SPATA13: variants seen among roughly 807,000 people sequenced by gnomAD.
SPATA13 encodes spermatogenesis associated 13.
A neutral mutation model predicts 104.0 loss-of-function variants in SPATA13; 50 were observed. That is an observed-to-expected ratio of 0.48 (90% CI 0.38 to 0.61). The LOEUF (loss-of-function observed/expected upper bound fraction) is 0.61, where lower values mean the gene tolerates loss of function less well. SPATA13 is among the 20% of genes least tolerant of loss of function. The pLI, the probability that SPATA13 is intolerant of heterozygous loss-of-function variation, is 0.00. For synonymous variants in SPATA13, 606 were observed against 667.5 expected, an observed-to-expected ratio of 0.91 and a Z score of 1.42; for missense variants, 1,524 against 1,690.6, an observed-to-expected ratio of 0.90 and a Z score of 1.73.
At chr13:24,270,714 C>T (rs949172637) in intron 4 of SPATA13, 12 of 1,510,226 alleles carry the variant, frequency 7.9e-6, no homozygotes, top group African/African-American at 6.9e-5. Flanking sequence ...TGGCCGGGAA[C>T]GCATACAACG....
At chr13:24,226,076 T>C (rs568031568) in intron 2 of SPATA13, among the ~76,000 whole-genome samples, 2 of 152,284 alleles carry the variant, frequency 1.3e-5, no homozygotes, top group East Asian at 3.9e-4. Context: ...GGGGTTTTTA[T>C]AGGCTCAGAA....
At chr13:24,044,595 C>A (rs1483372169) in intron 3 of SPATA13, among the ~76,000 whole-genome samples, 1 of 152,152 alleles carries the variant, frequency 6.6e-6, no homozygotes, top group Non-Finnish European at 1.5e-5. Context: ...TGTTTCAATA[C>A]ATGTTTACAT....
intron 3 of SPATA13, among the ~76,000 whole-genome samples, chr13:24,043,784 T>C (rs1407425271): frequency 6.6e-6 from 1 of 152,212 alleles, no homozygotes; most frequent in Non-Finnish European, 1.5e-5. Context: ...GATTCTGTGC[T>C]GATTCATCAC....
chr13:24,165,951 ACT>A (rs1171182103), intron 1 of SPATA13, among the ~76,000 whole-genome samples: 1 of 152,038 alleles, frequency 6.6e-6, no homozygotes, highest in African/African-American at 2.4e-5. Context: ...GTGTGTTGTG[ACT>A]CTATAGCTAA....
chr13:24,133,585 G>T (rs1267619821), intron 3 of SPATA13, among the ~76,000 whole-genome samples: 3 of 152,234 alleles, frequency 2.0e-5, no homozygotes, highest in Admixed American at 2.0e-4. Context: ...CTAGAGACAG[G>T]CAACAGGTGG....
intron 3 of SPATA13, among the ~76,000 whole-genome samples, chr13:24,140,874 A>C (rs544203809): frequency 1.3e-5 from 2 of 152,328 alleles, no homozygotes; most frequent in African/African-American, 2.4e-5. Flanking sequence ...GTAAAGGAGA[A>C]TATTTTAAAA....
chr13:23,985,394 G>T (rs933039814), intron 2 of SPATA13, among the ~76,000 whole-genome samples: 7 of 152,256 alleles, frequency 4.6e-5, no homozygotes, highest in African/African-American at 7.2e-5. Flanking sequence ...TGGGGGCTCA[G>T]TGGCCAGAGG....
chr13:23,982,521 T>C (rs539291840), intron 1 of SPATA13, among the ~76,000 whole-genome samples: 72 of 152,290 alleles, frequency 4.7e-4, no homozygotes, highest in African/African-American at 1.6e-3. Flanking sequence ...GAACTAATAC[T>C]TTTATAGATA....
At chr13:24,106,122 C>A (rs934532361) in intron 3 of SPATA13, among the ~76,000 whole-genome samples, 1 of 152,206 alleles carries the variant, frequency 6.6e-6, no homozygotes, top group Non-Finnish European at 1.5e-5. Context: ...CAGCCTTGAG[C>A]TCCTGGACTC....
chr13:24,099,885 A>G (rs1880200651), intron 3 of SPATA13, among the ~76,000 whole-genome samples: 4 of 152,326 alleles, frequency 2.6e-5, no homozygotes, highest in South Asian at 2.1e-4. Context: ...ATGTCTGTGA[A>G]TGAACACTTG....
In SPATA13 at chr13:24,223,508, C is replaced by T. The variant is rs1242648956; in HGVS notation, c.579C>T (p.Phe193=). The part of the protein sequence containing the change: ...GSDLEDTDDA[F]QRSTHRSRSL... ...ACCTCGAGGACACGGACGATGCCTT[C>T]CAGCGGAGCACACACCGCTCCCGCA... Residue 193 remains phenylalanine, a synonymous_variant, in exon 2 of 13, where the codon TTC becomes TTT. Coordinates refer to ENST00000382108, the MANE Select transcript of SPATA13 (RefSeq NM_001166271.3). 6.5e-7 allele frequency: 1 copy of T among 1,548,360 alleles called. No individual in the cohort carries two copies. Among genetic ancestry groups the T allele is most frequent in the Non-Finnish European group, 8.7e-7 (1 of 1,147,004 alleles).
intron 12 of SPATA13, 167 bp downstream of exon 12, chr13:24,300,642 T>C (rs1167720758): frequency 3.1e-6 from 2 of 647,768 alleles, no homozygotes; most frequent in Non-Finnish European, 5.6e-6. Flanking sequence ...GTGGCCTGTG[T>C]TTGGTTTTGA....
intron 1 of SPATA13, among the ~76,000 whole-genome samples, chr13:24,200,948 TC>T (rs1870363154): frequency 6.7e-6 from 1 of 148,440 alleles, no homozygotes; most frequent in African/African-American, 2.4e-5. Flanking sequence ...ACGTCCTTGT[TC>T]TTTTTTTTCC....
intron 1 of SPATA13, among the ~76,000 whole-genome samples, chr13:24,173,170 C>T (rs535792904): frequency 2.3e-4 from 35 of 152,274 alleles, no homozygotes; most frequent in East Asian, 3.9e-4. Context: ...CTCCGCCTCC[C>T]GGGTTCAAGC....
intron 3 of SPATA13, among the ~76,000 whole-genome samples, chr13:24,052,766 G>T (rs1206048567): frequency 6.2e-5 from 6 of 96,200 alleles, no homozygotes; most frequent in African/African-American, 2.2e-4. Context: ...CCACGACTGC[G>T]TTCCTGTGGC....
chr13:24,258,909 G>A (rs1219367108), intron 4 of SPATA13, among the ~76,000 whole-genome samples: 2 of 152,188 alleles, frequency 1.3e-5, no homozygotes, highest in Admixed American at 6.5e-5. Context: ...TCAGGTCCAC[G>A]TCAGGAGCTT....
intron 3 of SPATA13, among the ~76,000 whole-genome samples, chr13:24,060,382 TGAA>T (rs1458907064): frequency 6.6e-6 from 1 of 152,220 alleles, no homozygotes; most frequent in Non-Finnish European, 1.5e-5. Flanking sequence ...GCTAACCGTA[TGAA>T]GGAGACTGAA....
intron 3 of SPATA13, among the ~76,000 whole-genome samples, chr13:24,083,243 C>G (rs934037314): frequency 2.6e-5 from 4 of 152,236 alleles, no homozygotes; most frequent in African/African-American, 4.8e-5. Flanking sequence ...TAGAAAGGCA[C>G]CTTTTTGCAA....
intron 3 of SPATA13, chr13:24,123,870 A>G: frequency 1.5e-6 from 1 of 686,454 alleles, no homozygotes; most frequent in South Asian, 1.7e-5. Context: ...TGTTTAAAGC[A>G]GAAAATAAAA....
Sources: gnomAD v4.1 joint callset for allele counts (sites outside exome capture counted in the v4.1 genomes callset) on GRCh38, gnomAD v4.1.1 for gene constraint, MANE v1.5 for transcripts, NCBI Gene and HGNC (gene_info 2026-07-23, HGNC 2026-07-21) for gene names.